IARS1: variants seen among roughly 807,000 people sequenced by gnomAD.
The protein encoded by IARS1 is isoleucyl-tRNA synthetase 1.
Under a neutral mutation model 168.2 loss-of-function variants are expected in IARS1, and 124 were observed. The ratio of observed to expected loss-of-function variants is 0.74; its 90% CI spans 0.64 to 0.86. The LOEUF (loss-of-function observed/expected upper bound fraction) is 0.86, where lower values mean the gene tolerates loss of function less well. Among genes scored for constraint, IARS1 ranks in the 40% least tolerant of loss-of-function variants. IARS1 has a pLI of 0.00. For missense variants in IARS1, 1,452 were observed against 1,515.8 expected, an observed-to-expected ratio of 0.96 and a Z score of 0.70; for synonymous variants, 532 against 529.4, an observed-to-expected ratio of 1.00 and a Z score of -0.07.
At chr9:92,271,443 CT>C in intron 11 of IARS1, 89 bp downstream of exon 11, 2 of 1,526,642 alleles carry the variant, frequency 1.3e-6, no homozygotes, top group Non-Finnish European at 1.8e-6. Context: ...ATAAAAACAA[CT>C]TCCTAGAAGA....
At chr9:92,244,876 A>C (rs1160751736) in intron 27 of IARS1, 83 bp downstream of exon 27, 2 of 1,090,120 alleles carry the variant, frequency 1.8e-6, no homozygotes, top group Non-Finnish European at 1.4e-6. Context: ...TGTCAACATT[A>C]TCAGGAAAGG....
intron 33 of IARS1, among the ~76,000 whole-genome samples, chr9:92,214,888 A>G (rs1237165951): frequency 6.6e-6 from 1 of 152,274 alleles, no homozygotes; most frequent in Non-Finnish European, 1.5e-5. Flanking sequence ...TAAACAAAGC[A>G]GCCGGGAAGC....
intron 30 of IARS1, among the ~76,000 whole-genome samples, chr9:92,233,599 T>G (rs1320518827): frequency 6.6e-6 from 1 of 152,236 alleles, no homozygotes; most frequent in Non-Finnish European, 1.5e-5. Context: ...ACCTGAGTTT[T>G]GGAGGACACA....
At chr9:92,228,928 C>G (rs1254216834) in intron 31 of IARS1, 73 bp downstream of exon 31, 1 of 1,577,330 alleles carries the variant, frequency 6.3e-7, no homozygotes, top group African/African-American at 1.4e-5. Context: ...TATAGTACAA[C>G]TGACAGCAAA....
chr9:92,221,812 T>G (rs1190062873), intron 33 of IARS1, among the ~76,000 whole-genome samples: 1 of 152,164 alleles, frequency 6.6e-6, no homozygotes, highest in Non-Finnish European at 1.5e-5. Flanking sequence ...GTAAGCATGT[T>G]TTATAAACTG....
chr9:92,235,458 A>G (rs1290774694), intron 30 of IARS1, among the ~76,000 whole-genome samples: 4 of 151,788 alleles, frequency 2.6e-5, no homozygotes, highest in Admixed American at 1.3e-4. Flanking sequence ...GCTTTTTATG[A>G]ATCAACTGCT....
chr9:92,217,865 T>C (rs1461937903), intron 33 of IARS1, among the ~76,000 whole-genome samples: 1 of 152,018 alleles, frequency 6.6e-6, no homozygotes, highest in African/African-American at 2.4e-5. Context: ...ACTGGTACCA[T>C]TCCTTCTGAA....
intron 25 of IARS1, among the ~76,000 whole-genome samples, chr9:92,248,795 T>G (rs1384148653): frequency 1.3e-5 from 2 of 152,116 alleles, no homozygotes; most frequent in Admixed American, 6.5e-5. Flanking sequence ...AAATTAACAT[T>G]TTCTATAATA....
At chr9:92,246,795 C>T (rs1334396291) in intron 26 of IARS1, among the ~76,000 whole-genome samples, 3 of 152,048 alleles carry the variant, frequency 2.0e-5, no homozygotes, top group African/African-American at 2.4e-5. Context: ...AGATGTGAGC[C>T]GCTGGGATTA....
chr9:92,213,671 C>A lies in IARS1; in HGVS notation c.3707-2782G>T, dbSNP rs112392094. 3.9e-5 allele frequency among the ~76,000 whole-genome samples: 6 copies of A among 152,302 alleles called. 1 individual carries two copies. The highest frequency in any genetic ancestry group is 1.4e-4 in the African/African-American group (6 of 41,558). On this transcript the variant is annotated intron_variant, in intron 33 of 33. Coordinates refer to ENST00000443024, the MANE Select transcript of IARS1 (RefSeq NM_002161.6). Reference sequence around the variant, plus strand: ...CTCCAGAGCTGTGAGATGACTTGAGCCATCCCATTTGTGGAAATTTGTTGC... The same window carrying A: ...CTCCAGAGCTGTGAGATGACTTGAGACATCCCATTTGTGGAAATTTGTTGC...
intron 17 of IARS1, among the ~76,000 whole-genome samples, chr9:92,261,845 G>C (rs1410640982): frequency 6.6e-6 from 1 of 151,868 alleles, no homozygotes; most frequent in East Asian, 1.9e-4. Context: ...CTGCCTCCCA[G>C]GTTCAAGCGA....
chr9:92,274,638 G>C, intron 9 of IARS1, 117 bp from the exon 10 acceptor site: 6 of 644,470 alleles, frequency 9.3e-6, no homozygotes, highest in Non-Finnish European at 1.6e-5. Context: ...ATTATTTTCA[G>C]AAATAGAAAA....
At chr9:92,224,524 C>G (rs1169930535) in intron 31 of IARS1, among the ~76,000 whole-genome samples, 1 of 152,148 alleles carries the variant, frequency 6.6e-6, no homozygotes, top group Non-Finnish European at 1.5e-5. Flanking sequence ...TACAAATGGG[C>G]AGACTATGAA....
At position 92,234,465 on chromosome 9, in the gene IARS1, T is replaced by G. The variant is rs184017583; in HGVS notation, c.3284-5339A>C. ...AAATAATCTTGGAGTTGAGAGCTCT[T>G]CTTTCCAGGTGTCTGGTCAACTGAC... On this transcript the variant is annotated intron_variant, in intron 30 of 33. Transcript: ENST00000443024. 7.6e-4 allele frequency among the ~76,000 whole-genome samples: 116 copies of G among 152,318 alleles called. 1 individual carries two copies. The highest frequency in any genetic ancestry group is 5.0e-4 in the Non-Finnish European group (34 of 68,032).
chr9:92,232,479 G>C (rs528769237), intron 30 of IARS1, among the ~76,000 whole-genome samples: 1 of 152,174 alleles, frequency 6.6e-6, no homozygotes, highest in Non-Finnish European at 1.5e-5. Context: ...TATGAAGGAT[G>C]TGTGTTCGTT....
intron 1 of IARS1, among the ~76,000 whole-genome samples, chr9:92,290,995 T>C (rs2134015365): frequency 1.3e-5 from 2 of 152,304 alleles, no homozygotes; most frequent in South Asian, 4.2e-4. Flanking sequence ...TGCTTATTCA[T>C]GATTTTTATG....
intron 31 of IARS1, among the ~76,000 whole-genome samples, chr9:92,223,956 G>A (rs935342704): frequency 4.6e-5 from 7 of 152,220 alleles, no homozygotes; most frequent in Non-Finnish European, 8.8e-5. Context: ...GGATGCATGC[G>A]CAGGCAGATG....
At chr9:92,237,005 C>A (rs889053406) in intron 30 of IARS1, among the ~76,000 whole-genome samples, 1 of 152,190 alleles carries the variant, frequency 6.6e-6, no homozygotes, top group Non-Finnish European at 1.5e-5. Context: ...TGGGTAAGAA[C>A]CAGATTTCTG....
chr9:92,251,304 A>G, intron 22 of IARS1: 1 of 336,182 alleles, frequency 3.0e-6, no homozygotes, highest in Non-Finnish European at 5.9e-6. Context: ...TAAAGGAAAC[A>G]GGATAAAAAG....
Sources: allele counts gnomAD v4.1 joint callset (sites outside exome capture counted in the v4.1 genomes callset), GRCh38; gene constraint gnomAD v4.1.1; transcripts MANE v1.5; gene names NCBI Gene and HGNC (gene_info 2026-07-23, HGNC 2026-07-21).